Variants in STIM2 observed in about 807,000 individuals in gnomAD.
STIM2 encodes the protein stromal interaction molecule 2.
A neutral mutation model predicts 85.8 loss-of-function variants in STIM2; 31 were observed. The observed-to-expected ratio is 0.36, with a 90% CI of 0.27 to 0.49. STIM2 has a LOEUF of 0.49. Ranked by LOEUF, STIM2 falls within the 20% of genes least tolerant of loss-of-function variation. The pLI is 0.98. For missense variants in STIM2, 841 were observed against 927.6 expected (o/e 0.91, Z 1.21); for synonymous variants, 356 against 331.1 (o/e 1.08, Z -0.82).
intron 1 of STIM2, among the ~76,000 whole-genome samples, chr4:26,879,141 A>G (rs1419642331): frequency 6.6e-6 from 1 of 152,178 alleles, no homozygotes; most frequent in Non-Finnish European, 1.5e-5. Flanking sequence ...AAACTTTTCA[A>G]TTACTTTTGT....
At chr4:26,947,653 T>A (rs1725885297) in intron 2 of STIM2, among the ~76,000 whole-genome samples, 2 of 152,178 alleles carry the variant, frequency 1.3e-5, no homozygotes. Flanking sequence ...AGACCCCATC[T>A]TCCTGCTCGC....
chr4:26,878,772 C>G (rs192007596), intron 1 of STIM2, among the ~76,000 whole-genome samples: 1 of 152,098 alleles, frequency 6.6e-6, no homozygotes, highest in Admixed American at 6.6e-5. Flanking sequence ...AGGAAACTTA[C>G]AATCATGGCA....
At chr4:26,961,578 A>C (rs545630158) in intron 3 of STIM2, among the ~76,000 whole-genome samples, 1 of 152,290 alleles carries the variant, frequency 6.6e-6, no homozygotes, top group Admixed American at 6.5e-5. Context: ...TAGGAAAGAC[A>C]AAGAAAACAA....
chr4:26,970,199 GTATATATATATATA>G (rs67648567), intron 3 of STIM2, among the ~76,000 whole-genome samples: 4 of 91,140 alleles, frequency 4.4e-5, no homozygotes, highest in Non-Finnish European at 9.8e-5. Flanking sequence ...TAGTGTGTGT[GTATATATATATATA>G]TATATATATG....
chr4:26,921,570 C>T (rs1037347616), intron 2 of STIM2, among the ~76,000 whole-genome samples: 6 of 152,214 alleles, frequency 3.9e-5, no homozygotes, highest in Admixed American at 2.0e-4. Context: ...AAGCAGCCAG[C>T]CATATTTGGC....
intron 10 of STIM2, among the ~76,000 whole-genome samples, 179 bp from the exon 11 acceptor site, chr4:27,017,532 T>C (rs1276221015): frequency 1.3e-5 from 2 of 152,166 alleles, no homozygotes; most frequent in Admixed American, 6.5e-5. Context: ...TTTGTTTCTA[T>C]TTCTTAACTT....
intron 3 of STIM2, among the ~76,000 whole-genome samples, chr4:26,976,644 T>TA (rs1237875485): frequency 6.6e-6 from 1 of 151,792 alleles, no homozygotes. Flanking sequence ...CCTGTCCTAC[T>TA]AAAAATACAA....
intron 2 of STIM2, among the ~76,000 whole-genome samples, chr4:26,953,654 A>G (rs1234264360): frequency 1.3e-5 from 2 of 152,228 alleles, no homozygotes; most frequent in East Asian, 1.9e-4. Flanking sequence ...CTCCCGAGGA[A>G]CTAAAAGTAG....
intron 1 of STIM2, among the ~76,000 whole-genome samples, chr4:26,885,871 A>ATGTATG (rs1436952994): frequency 2.6e-4 from 31 of 117,808 alleles, no homozygotes; most frequent in South Asian, 5.4e-4. Context: ...ATATATATAT[A>ATGTATG]TATGTATATG....
intron 10 of STIM2, among the ~76,000 whole-genome samples, chr4:27,015,621 C>T (rs1428168839): frequency 6.6e-6 from 1 of 151,734 alleles, no homozygotes; most frequent in Admixed American, 6.5e-5. Context: ...AATTATTTCT[C>T]AGTTATTTTG....
At chr4:26,980,105 T>C (rs755412237) in intron 3 of STIM2, among the ~76,000 whole-genome samples, 1 of 152,160 alleles carries the variant, frequency 6.6e-6, no homozygotes, top group African/African-American at 2.4e-5. Context: ...ATCATAATTA[T>C]CTAAAATGGC....
chr4:26,959,974 G>A (rs946409992), intron 3 of STIM2, among the ~76,000 whole-genome samples: 1 of 152,156 alleles, frequency 6.6e-6, no homozygotes, highest in Non-Finnish European at 1.5e-5. Flanking sequence ...GAGGAGTCAA[G>A]TGATAATAAA....
chr4:27,007,060 G>A (rs1240424371), intron 7 of STIM2, among the ~76,000 whole-genome samples: 1 of 152,216 alleles, frequency 6.6e-6, no homozygotes, highest in Non-Finnish European at 1.5e-5. Context: ...GAAACATTAG[G>A]AGGAGGAGTA....
At chr4:26,938,889 A>G (rs977673795) in intron 2 of STIM2, among the ~76,000 whole-genome samples, 9 of 152,146 alleles carry the variant, frequency 5.9e-5, no homozygotes, top group African/African-American at 1.9e-4. Context: ...TCTTCATAAC[A>G]TGTTTAGGCA....
rs140282649 is a variant in STIM2, at chr4:27,017,712, G to T, written c.1491G>T (p.Gly497=). Residue 497 remains glycine (G), a splice_region_variant and synonymous_variant, in exon 11 of 12, where the codon GGG becomes GGT. Coordinates refer to ENST00000467087, the MANE Select transcript of STIM2 (RefSeq NM_020860.4). ...TGTTTCTTTCTTGGTGTTTTTCAGG[G>T]ACCATGGCTAAACCTCCTGGATCAT... 1 of 1,613,526 alleles carries T rather than the reference G, an allele frequency of 6.2e-7. No homozygotes were observed. Among genetic ancestry groups the T allele is most frequent in the Non-Finnish European group, 8.5e-7 (1 of 1,179,564 alleles).
intron 2 of STIM2, among the ~76,000 whole-genome samples, chr4:26,931,885 ATGTT>A (rs887273397): frequency 1.1e-4 from 17 of 152,344 alleles, no homozygotes; most frequent in Middle Eastern, 3.4e-3. Context: ...GTAGCAGAGA[ATGTT>A]AGTAAGTGTT....
chr4:26,874,574 C>T (rs1161154449), intron 1 of STIM2, among the ~76,000 whole-genome samples: 1 of 152,112 alleles, frequency 6.6e-6, no homozygotes, highest in Non-Finnish European at 1.5e-5. Flanking sequence ...TATGAACTCT[C>T]CTCTTTTAAT....
At chr4:26,963,788 A>G (rs1328225023) in intron 3 of STIM2, among the ~76,000 whole-genome samples, 1 of 152,230 alleles carries the variant, frequency 6.6e-6, no homozygotes, top group Non-Finnish European at 1.5e-5. Context: ...AGAGAGGGAT[A>G]TACAAGTTAG....
At chr4:26,888,032 G>A (rs946884392) in intron 1 of STIM2, among the ~76,000 whole-genome samples, 14 of 152,148 alleles carry the variant, frequency 9.2e-5, no homozygotes, top group Admixed American at 3.3e-4. Context: ...ATTGGATCAG[G>A]CCCACCCACA....
Sources: allele counts gnomAD v4.1 joint callset (sites outside exome capture counted in the v4.1 genomes callset), GRCh38; gene constraint gnomAD v4.1.1; transcripts MANE v1.5; gene names NCBI Gene and HGNC (gene_info 2026-07-23, HGNC 2026-07-21).